The following LDLRAD3 variants were observed in gnomAD, a reference collection of about 807,000 sequenced individuals.
The protein encoded by LDLRAD3 is low density lipoprotein receptor class A domain containing 3, also known as low-density lipoprotein receptor class A domain-containing protein 3.
In LDLRAD3, 20 loss-of-function variants were observed where a neutral mutation model predicts 29.4. That is an observed-to-expected ratio of 0.68 (90% CI 0.48 to 0.99). The LOEUF (loss-of-function observed/expected upper bound fraction) is 0.99. LDLRAD3 is among the 50% of genes least tolerant of loss of function. The pLI is 0.00. For synonymous variants in LDLRAD3, 157 were observed against 192.7 expected, an observed-to-expected ratio of 0.81 and a Z score of 1.53; for missense variants, 420 against 454.3, an observed-to-expected ratio of 0.92 and a Z score of 0.69.
chr11:36,136,763 T>C (rs1370388703), intron 4 of LDLRAD3, among the ~76,000 whole-genome samples: 2 of 151,774 alleles, frequency 1.3e-5, no homozygotes, highest in African/African-American at 4.8e-5. Flanking sequence ...CGATCTTAGC[T>C]CACGGTTACC....
At chr11:36,212,743 A>G (rs893564461) in intron 4 of LDLRAD3, among the ~76,000 whole-genome samples, 2 of 152,124 alleles carry the variant, frequency 1.3e-5, no homozygotes, top group Non-Finnish European at 2.9e-5. Flanking sequence ...AGCTCTTAGC[A>G]GGCTTCAAAG....
chr11:36,014,255 G>A (rs183477977), intron 1 of LDLRAD3, among the ~76,000 whole-genome samples: 1 of 152,272 alleles, frequency 6.6e-6, no homozygotes, highest in East Asian at 1.9e-4. Context: ...CTGTTTTGTG[G>A]GAACACAAGA....
At chr11:36,047,066 T>C (rs1451577821) in intron 2 of LDLRAD3, among the ~76,000 whole-genome samples, 2 of 152,100 alleles carry the variant, frequency 1.3e-5, no homozygotes, top group Non-Finnish European at 2.9e-5. Context: ...AGGGGGCTGC[T>C]GTGGACTAAG....
chr11:36,206,151 ACATT>A (rs1342576199), intron 4 of LDLRAD3, among the ~76,000 whole-genome samples: 1 of 152,238 alleles, frequency 6.6e-6, no homozygotes, highest in Non-Finnish European at 1.5e-5. Context: ...AGAGAAGCAA[ACATT>A]CATTCTTGAA....
chr11:35,948,458 G>GTA (rs1053063703), intron 1 of LDLRAD3, among the ~76,000 whole-genome samples: 1 of 152,034 alleles, frequency 6.6e-6, no homozygotes, highest in African/African-American at 2.4e-5. Context: ...GTGTGTGTGT[G>GTA]TGTGTGTGTG....
At chr11:36,200,911 T>A (rs573115279) in intron 4 of LDLRAD3, among the ~76,000 whole-genome samples, 1 of 152,274 alleles carries the variant, frequency 6.6e-6, no homozygotes, top group African/African-American at 2.4e-5. Context: ...ATGATCAATG[T>A]CTCCTTCCTG....
At chr11:35,982,521 T>C (rs895438704) in intron 1 of LDLRAD3, among the ~76,000 whole-genome samples, 2 of 152,182 alleles carry the variant, frequency 1.3e-5, no homozygotes, top group South Asian at 2.1e-4. Context: ...CATACTGTTT[T>C]TGGGGGACAC....
At chr11:35,999,392 A>G (rs1483792586) in intron 1 of LDLRAD3, among the ~76,000 whole-genome samples, 1 of 152,168 alleles carries the variant, frequency 6.6e-6, no homozygotes, top group Non-Finnish European at 1.5e-5. Context: ...AGAGTCAGCC[A>G]GATTACCCGG....
chr11:36,116,999 G>C (rs559632217), intron 4 of LDLRAD3, among the ~76,000 whole-genome samples: 1 of 151,928 alleles, frequency 6.6e-6, no homozygotes, highest in Non-Finnish European at 1.5e-5. Flanking sequence ...GAGCTGCCAT[G>C]CCCGGCTAAT....
At chr11:36,121,113 C>G (rs1565237267) in intron 4 of LDLRAD3, among the ~76,000 whole-genome samples, 1 of 152,130 alleles carries the variant, frequency 6.6e-6, no homozygotes, top group Non-Finnish European at 1.5e-5. Context: ...TCCAGGGCAT[C>G]ATAGACACTC....
At chr11:36,084,067 T>G (rs569008921) in intron 3 of LDLRAD3, among the ~76,000 whole-genome samples, 1 of 151,606 alleles carries the variant, frequency 6.6e-6, no homozygotes, top group South Asian at 2.1e-4. Flanking sequence ...CACAGGAGTG[T>G]GCCACCACAC....
At chr11:35,994,692 C>T (rs535738638) in intron 1 of LDLRAD3, among the ~76,000 whole-genome samples, 9 of 152,310 alleles carry the variant, frequency 5.9e-5, no homozygotes, top group African/African-American at 9.6e-5. Flanking sequence ...GCACTTTATG[C>T]GCAGAACAAC....
chr11:35,970,185 T>C (rs571225985), intron 1 of LDLRAD3, among the ~76,000 whole-genome samples: 1 of 152,324 alleles, frequency 6.6e-6, no homozygotes, highest in South Asian at 2.1e-4. Context: ...CCTGAAAAGG[T>C]ACACTGAAGC....
At chr11:36,162,561 G>C (rs1157359878) in intron 4 of LDLRAD3, among the ~76,000 whole-genome samples, 1 of 152,182 alleles carries the variant, frequency 6.6e-6, no homozygotes, top group East Asian at 1.9e-4. Context: ...CATGACTGAG[G>C]GGAGGCCCAG....
intron 1 of LDLRAD3, among the ~76,000 whole-genome samples, chr11:36,004,366 G>A (rs1851859250): frequency 6.6e-6 from 1 of 152,200 alleles, no homozygotes; most frequent in Non-Finnish European, 1.5e-5. Flanking sequence ...AAACCCAGCA[G>A]GGCAGTCATT....
At chr11:36,068,513 G>C (rs4471390) in intron 2 of LDLRAD3, among the ~76,000 whole-genome samples, 22,204 of 152,064 alleles carry the variant, frequency 0.15, 1,691 homozygotes, top group East Asian at 0.29. Context: ...GTGGAAACCT[G>C]GATGCTTCTT....
chr11:36,016,760 C>T (rs768876922), intron 1 of LDLRAD3, among the ~76,000 whole-genome samples: 4 of 152,188 alleles, frequency 2.6e-5, no homozygotes, highest in Admixed American at 1.3e-4. Flanking sequence ...ACATCTCTAG[C>T]GATGAACAAA....
At chr11:35,987,064 C>T (rs1163944017) in intron 1 of LDLRAD3, among the ~76,000 whole-genome samples, 3 of 152,166 alleles carry the variant, frequency 2.0e-5, no homozygotes, top group Admixed American at 6.5e-5. Flanking sequence ...GTCTCATTCA[C>T]GGGGCTGCTT....
intron 2 of LDLRAD3, among the ~76,000 whole-genome samples, chr11:36,075,176 G>C (rs1212590020): frequency 2.0e-5 from 3 of 152,114 alleles, no homozygotes; most frequent in Non-Finnish European, 4.4e-5. Context: ...GAGCTGCCCT[G>C]GTGGATGACA....
Sources: allele counts gnomAD v4.1 joint callset (sites outside exome capture counted in the v4.1 genomes callset), GRCh38; gene constraint gnomAD v4.1.1; transcripts MANE v1.5; gene names NCBI Gene and HGNC (gene_info 2026-07-23, HGNC 2026-07-21).